ACKR3: variants seen among roughly 807,000 people sequenced by gnomAD.
ACKR3 encodes the protein C-X-C chemokine receptor type 7.
Under a neutral mutation model 22.4 loss-of-function variants are expected in ACKR3, and 6 were observed. That is an observed-to-expected ratio of 0.27 (90% CI 0.15 to 0.53). The LOEUF is 0.53. Among genes scored for constraint, ACKR3 ranks in the 20% least tolerant of loss-of-function variants. The pLI, the probability that ACKR3 is intolerant of heterozygous loss-of-function variation, is 0.96. For missense variants in ACKR3, 396 were observed against 475.2 expected (o/e 0.83, Z 1.55); for synonymous variants, 209 against 205.2 (o/e 1.02, Z -0.16).
chr2:236,556,285 G>A, the ACKR3 span, among the ~76,000 whole-genome samples: 1 of 152,200 alleles, frequency 6.6e-6, no homozygotes. Flanking sequence ...GAGATGGGAG[G>A]TCAGTTACTG....
chr2:236,565,758 A>G (rs1203999361), upstream of ACKR3, among the ~76,000 whole-genome samples: 1 of 152,150 alleles, frequency 6.6e-6, no homozygotes, highest in Non-Finnish European at 1.5e-5. Flanking sequence ...GTGTGTATAT[A>G]TCAGGGTTCC....
Position 236,582,142 on chromosome 2 carries a change from CTG to C in ACKR3, c.*593_*594del, listed in dbSNP as rs1419085411. 34 of 166,510 alleles carry C rather than the reference CTG, an allele frequency of 2.0e-4. No individual in the cohort carries two copies. The South Asian group carries it at 3.3e-3, about 16-fold the overall frequency. The allele number at this position is 166,510 out of a possible 1,614,324, so 10.3% of individuals were successfully genotyped here. A position where few individuals can be genotyped will look rare whatever the true frequency, so the allele number is the denominator to read the frequency against. On this transcript the variant is annotated 3_prime_UTR_variant, in exon 2 of 2. Transcript: ENST00000272928. ...TGTTTTATTTACCATAGTTTTATAT[CTG>C]TGTGGTGTTTTGTACCGGCACGGGA...
upstream of ACKR3, chr2:236,569,741 G>C (rs1691270504): frequency 6.6e-6 from 1 of 152,426 alleles, no homozygotes; most frequent in Non-Finnish European, 1.5e-5. Context: ...GGGAGAGAGA[G>C]ATGTGGGTTA....
At chr2:236,537,312 G>A in the ACKR3 span, among the ~76,000 whole-genome samples, 1 of 152,218 alleles carries the variant, frequency 6.6e-6, no homozygotes, top group Non-Finnish European at 1.5e-5. Flanking sequence ...AAGTGTGAGC[G>A]GCTGGTGGAG....
chr2:236,566,365 C>T (rs1254517108), upstream of ACKR3, among the ~76,000 whole-genome samples: 1 of 152,218 alleles, frequency 6.6e-6, no homozygotes, highest in Non-Finnish European at 1.5e-5. Flanking sequence ...GGGACAGCGT[C>T]CTGTTCGTGC....
At chr2:236,568,523 G>C (rs937074346), upstream of ACKR3, among the ~76,000 whole-genome samples, 20 of 152,256 alleles carry the variant, frequency 1.3e-4, no homozygotes, top group African/African-American at 3.9e-4. Context: ...CCGCCCTGCA[G>C]AGGCGGTGGC....
At chr2:236,538,009 T>C in the ACKR3 span, among the ~76,000 whole-genome samples, 1 of 152,190 alleles carries the variant, frequency 6.6e-6, no homozygotes, top group African/African-American at 2.4e-5. Context: ...GAAGTAGGTA[T>C]TCCAAAAAGA....
At chr2:236,538,030 T>A in the ACKR3 span, among the ~76,000 whole-genome samples, 4 of 152,286 alleles carry the variant, frequency 2.6e-5, no homozygotes, top group South Asian at 8.3e-4. Flanking sequence ...ATAGTTCTTT[T>A]AAAAATAATT....
At chr2:236,569,407 T>A (rs1239114489), upstream of ACKR3, among the ~76,000 whole-genome samples, 1 of 152,140 alleles carries the variant, frequency 6.6e-6, no homozygotes, top group Non-Finnish European at 1.5e-5. Context: ...AAGTTCAGAG[T>A]AATTTGTCTT....
At chr2:236,560,969 C>G in the ACKR3 span, among the ~76,000 whole-genome samples, 3 of 152,190 alleles carry the variant, frequency 2.0e-5, no homozygotes, top group Non-Finnish European at 4.4e-5. Context: ...AAATATTACT[C>G]CGTCTTAATA....
the ACKR3 span, among the ~76,000 whole-genome samples, chr2:236,545,875 A>G: frequency 6.6e-6 from 1 of 152,318 alleles, no homozygotes; most frequent in East Asian, 1.9e-4. The surrounding 1 kb of genome is among the most constrained non-coding windows in gnomAD (Gnocchi z 5.3). Context: ...GTTGAATTTC[A>G]CACACCGAAA....
At chr2:236,548,791 G>A in the ACKR3 span, among the ~76,000 whole-genome samples, 2 of 152,166 alleles carry the variant, frequency 1.3e-5, no homozygotes, top group Non-Finnish European at 2.9e-5. The surrounding 1 kb of genome is among the most constrained non-coding windows in gnomAD (Gnocchi z 4.3). Flanking sequence ...ACTCACATAA[G>A]CACAGTTCAG....
At chr2:236,541,426 G>T in the ACKR3 span, among the ~76,000 whole-genome samples, 1 of 152,148 alleles carries the variant, frequency 6.6e-6, no homozygotes, top group African/African-American at 2.4e-5. Flanking sequence ...CAAGAACTGG[G>T]ATTCCACCTC....
At chr2:236,553,378 A>G in the ACKR3 span, among the ~76,000 whole-genome samples, 1 of 152,368 alleles carries the variant, frequency 6.6e-6, no homozygotes, top group Admixed American at 6.5e-5. Context: ...TGGCAGATAT[A>G]CGCTTACAGT....
the ACKR3 span, among the ~76,000 whole-genome samples, chr2:236,549,974 T>A: frequency 6.6e-6 from 1 of 152,194 alleles, no homozygotes; most frequent in African/African-American, 2.4e-5. This position sits in a 1 kb window ranked among gnomAD's most constrained non-coding sequence, Gnocchi z 5.3. Flanking sequence ...CATCCCCAAC[T>A]GTGAGGGCCT....
chr2:236,568,254 C>T (rs1310735522), upstream of ACKR3, among the ~76,000 whole-genome samples: 1 of 152,204 alleles, frequency 6.6e-6, no homozygotes, highest in South Asian at 2.1e-4. Context: ...GCCCCGGAGT[C>T]ACGGCTACAG....
the ACKR3 span, among the ~76,000 whole-genome samples, chr2:236,548,519 G>T: frequency 0.034 from 5,249 of 152,216 alleles, 216 homozygotes; most frequent in East Asian, 0.14. The surrounding 1 kb of genome is among the most constrained non-coding windows in gnomAD (Gnocchi z 4.3). Flanking sequence ...CATCTCCCTC[G>T]TTAATCTTCC....
chr2:236,543,550 A>AC, the ACKR3 span, among the ~76,000 whole-genome samples: 1 of 152,048 alleles, frequency 6.6e-6, no homozygotes, highest in African/African-American at 2.4e-5. Flanking sequence ...TCCCAATCCC[A>AC]CCCCCAGGGG....
the ACKR3 span, among the ~76,000 whole-genome samples, chr2:236,548,084 T>A: frequency 6.6e-6 from 1 of 152,224 alleles, no homozygotes; most frequent in African/African-American, 2.4e-5. The surrounding 1 kb of genome is among the most constrained non-coding windows in gnomAD (Gnocchi z 4.3). Flanking sequence ...CCATTTCCCA[T>A]GTCTATGTTT....
Sources: allele counts gnomAD v4.1 joint callset (sites outside exome capture counted in the v4.1 genomes callset), GRCh38; gene constraint gnomAD v4.1.1; non-coding constraint Gnocchi (gnomAD v3.1); transcripts MANE v1.5; gene names NCBI Gene and HGNC (gene_info 2026-07-23, HGNC 2026-07-21).